Variants in LRRC47 observed in about 807,000 individuals in gnomAD.
The protein encoded by LRRC47 is leucine rich repeat containing 47.
A neutral mutation model predicts 40.9 loss-of-function variants in LRRC47; 31 were observed. The ratio of observed to expected loss-of-function variants is 0.76; its 90% CI spans 0.57 to 1.02. The LOEUF (loss-of-function observed/expected upper bound fraction) is 1.02, where lower values mean the gene tolerates loss of function less well. LRRC47 is among the 50% of genes least tolerant of loss of function. The probability of loss-of-function intolerance (pLI) is 0.00; values close to 1 mark genes in which losing one functional copy is unlikely to be tolerated. For missense variants in LRRC47, 726 were observed against 796.1 expected, an observed-to-expected ratio of 0.91 and a Z score of 1.06; for synonymous variants, 427 against 371.9, an observed-to-expected ratio of 1.15 and a Z score of -1.70.
In LRRC47 at chr1:3,795,543, C is replaced by A. The variant is rs1366160684; in HGVS notation, c.615+319G>T. Among the ~76,000 whole-genome samples the A allele has an allele frequency of 2.6e-5, 4 of 152,214 alleles. No individual in the cohort carries two copies. In the East Asian group the frequency reaches 7.7e-4, roughly 29 times the overall value. ...TAGATACAAAAAAGACAGGTCTCTACGCTCGATCTACAGGAGAAGCCAGGT... is the reference window on the plus strand; with the variant it reads ...TAGATACAAAAAAGACAGGTCTCTAAGCTCGATCTACAGGAGAAGCCAGGT... On this transcript the variant is annotated intron_variant, in intron 1 of 6. Transcript: ENST00000378251.
In LRRC47 at chr1:3,785,121, AG is replaced by A; in HGVS notation, c.1159del (p.Leu387CysfsTer72). 6.2e-7 allele frequency: 1 copy of A among 1,601,642 alleles called. No individual in the cohort carries two copies. The highest frequency in any genetic ancestry group is 1.1e-5 in the South Asian group (1 of 90,108). ...THELRAVKGP[L>X]LYCARPPQDL... ...CTGTGGGGGCCGGGCGCAGTACAGC[AG>A]GGGCCCTTTGACGGCACGGAGCTCG... is the stretch of plus-strand genomic sequence containing the variant. On this transcript the variant is annotated frameshift_variant, in exon 3 of 7. Transcript: ENST00000378251. LOFTEE classifies it high-confidence loss of function.
chr1:3,781,889 G>A (rs1188735249), intron 5 of LRRC47, among the ~76,000 whole-genome samples: 1 of 152,214 alleles, frequency 6.6e-6, no homozygotes, highest in Non-Finnish European at 1.5e-5. Context: ...GCTGACATGG[G>A]AGGATCGCTT....
chr1:3,796,322 A>G lies in LRRC47; in HGVS notation c.155T>C (p.Leu52Pro). ...LPPRLFTLPLLHYLEVSGCGS... is the reference protein window; with the variant it reads ...LPPRLFTLPLPHYLEVSGCGS... Reference sequence around the variant, plus strand: ...GCAGCCGCTCACTTCCAAGTAGTGCAGCAGCGGCAGGGTGAAAAGCCGCGG... The same window carrying G: ...GCAGCCGCTCACTTCCAAGTAGTGCGGCAGCGGCAGGGTGAAAAGCCGCGG... Residue 52 changes from leucine to proline, a missense_variant, in exon 1 of 7, where the codon CTG (leucine) becomes CCG (proline). Physicochemically the swap from Leu to Pro is moderately conservative, Grantham distance 98. Coordinates refer to ENST00000378251, the MANE Select transcript of LRRC47 (RefSeq NM_020710.3). The G allele has an allele frequency of 6.6e-7, 1 of 1,507,712 alleles. No homozygotes were observed. The highest frequency in any genetic ancestry group is 2.1e-5 in the Admixed American group (1 of 48,548). 93.4% of individuals were successfully genotyped at this position (1,507,712 alleles called of 1,614,324 possible).
At position 3,779,484 on chromosome 1, in the gene LRRC47, T is replaced by C. The variant is rs1429285539; in HGVS notation, c.*1604A>G. ...CCGTGTCCTCATGAGCCAAGCACAC[T>C]GACTCCCGGGAGTGGTGTGCACGCA... On this transcript the variant is annotated 3_prime_UTR_variant, in exon 7 of 7. Transcript: ENST00000378251. 6.6e-6 allele frequency: 1 copy of C among 152,204 alleles called. No individual in the cohort carries two copies. Among genetic ancestry groups the C allele is most frequent in the African/African-American group, 2.4e-5 (1 of 41,438 alleles). The allele number at this position is 152,204 out of a possible 1,614,324, so 9.4% of individuals were successfully genotyped here. A position where few individuals can be genotyped will look rare whatever the true frequency, so the allele number is the denominator to read the frequency against.
At chr1:3,794,724 A>T (rs1643657562) in intron 1 of LRRC47, among the ~76,000 whole-genome samples, 2 of 151,994 alleles carry the variant, frequency 1.3e-5, no homozygotes, top group Admixed American at 6.5e-5. Context: ...GCAAATAAAT[A>T]GATAAGCTGC....
At chr1:3,788,060 G>C (rs1220544060) in intron 1 of LRRC47, among the ~76,000 whole-genome samples, 2 of 152,278 alleles carry the variant, frequency 1.3e-5, no homozygotes, top group Non-Finnish European at 2.9e-5. Flanking sequence ...TGAAAGGATG[G>C]AAGGGGTACA....
At chr1:3,785,226 A>G (rs1210811136) in intron 2 of LRRC47, 23 bp from the exon 3 acceptor site, 3 of 1,493,066 alleles carry the variant, frequency 2.0e-6, no homozygotes, top group African/African-American at 2.9e-5. Flanking sequence ...AGCAGTGATG[A>G]GCAAGGTCTC....
intron 1 of LRRC47, among the ~76,000 whole-genome samples, chr1:3,789,030 TTGGAC>T (rs1173030945): frequency 6.6e-6 from 1 of 152,226 alleles, no homozygotes; most frequent in African/African-American, 2.4e-5. Context: ...GATAGACTTG[TTGGAC>T]TGGTGGCTCC....
In LRRC47 at chr1:3,778,588, C is replaced by T. The variant is rs576678344; in HGVS notation, c.*2500G>A. ...TGCGGAGCTGTTTTTATTAGTGAGT[C>T]GGGGGGTGGGGTGGGGTGAAGAAAA... is the stretch of plus-strand genomic sequence containing the variant. On this transcript the variant is annotated 3_prime_UTR_variant, in exon 7 of 7. Transcript: ENST00000378251. 3.9e-5 allele frequency: 6 copies of T among 153,198 alleles called. No individual in the cohort carries two copies. Among genetic ancestry groups the T allele is most frequent in the Non-Finnish European group, 7.3e-5 (5 of 68,164 alleles). The allele number at this position is 153,198 out of a possible 1,614,324, so 9.5% of individuals were successfully genotyped here.
intron 4 of LRRC47, among the ~76,000 whole-genome samples, chr1:3,783,470 T>C (rs1011749444): frequency 7.0e-6 from 1 of 142,642 alleles, no homozygotes; most frequent in African/African-American, 2.7e-5. Context: ...AAGGGTAAAA[T>C]GGACGACTCA....
Position 3,779,242 on chromosome 1 carries a change from A to C in LRRC47, c.*1846T>G, listed in dbSNP as rs1471277253. 2 of 152,392 alleles carry C rather than the reference A, an allele frequency of 1.3e-5. No homozygotes were observed. The highest frequency in any genetic ancestry group is 4.8e-5 in the African/African-American group (2 of 41,592). 9.4% of individuals were successfully genotyped at this position (152,392 alleles called of 1,614,324 possible). On this transcript the variant is annotated 3_prime_UTR_variant, in exon 7 of 7. Transcript: ENST00000378251. ...ACCCAGCTGTTAGTCTGCCCACTGC[A>C]CAGGGCCCCGGGCCTCTCAGGTTGA...
In LRRC47 at chr1:3,784,035, C is replaced by G. The variant is rs891131454; in HGVS notation, c.1271G>C (p.Arg424Thr). The change falls in exon 4 of 7, where the codon AGG (arginine) becomes ACG (threonine). Residue 424 changes from arginine to threonine, a missense_variant. By Grantham distance (71) the Arg-to-Thr change is moderately conservative. Coordinates refer to ENST00000378251, the MANE Select transcript of LRRC47 (RefSeq NM_020710.3). Reference protein sequence around the residue: ...RQLQLEAEEQRKQKKRQSVSG... With the variant: ...RQLQLEAEEQTKQKKRQSVSG... Reference sequence around the variant, plus strand: ...CACACTCTGCCGCTTCTTCTGCTTCCTCTGCTCCTCGGCCTCCAGCTGCAG... The same window carrying G: ...CACACTCTGCCGCTTCTTCTGCTTCGTCTGCTCCTCGGCCTCCAGCTGCAG... 1.2e-6 allele frequency: 2 copies of G among 1,612,290 alleles called. No homozygotes were observed. Among genetic ancestry groups the G allele is most frequent in the African/African-American group, 2.7e-5 (2 of 75,036 alleles).
At chr1:3,791,581 C>G (rs1005293111) in intron 1 of LRRC47, among the ~76,000 whole-genome samples, 1 of 152,178 alleles carries the variant, frequency 6.6e-6, no homozygotes, top group Admixed American at 6.5e-5. Context: ...CTCAGCTTCC[C>G]GAGTAGCTGG....
Position 3,796,024 on chromosome 1 carries a change from G to T in LRRC47, c.453C>A (p.Cys151Ter). The T allele has an allele frequency of 1.9e-6, 3 of 1,548,732 alleles. No homozygotes were observed. The highest frequency in any genetic ancestry group is 2.6e-6 in the Non-Finnish European group (3 of 1,148,952). The change falls in exon 1 of 7, where the codon TGC becomes TGA. Residue 151 changes from cysteine to a stop codon, truncating the protein, a stop_gained. Transcript: ENST00000378251. LOFTEE classifies it high-confidence loss of function. Reference sequence around the variant, plus strand: ...GGTTGAGGCTCTGCAGGCGCGGGGCGCAGCGCGCCAGGTCGGCTGGCAGCT... The same window carrying T: ...GGTTGAGGCTCTGCAGGCGCGGGGCTCAGCGCGCCAGGTCGGCTGGCAGCT... ...LRELPADLARCAPRLQSLNLT... is the reference protein window; with the variant it reads ...LRELPADLAR
rs139020638 is a variant in LRRC47, at chr1:3,790,274, C to T, written c.616-2964G>A. Among the ~76,000 whole-genome samples, 1,284 of 152,324 alleles carry T rather than the reference C, an allele frequency of 8.4e-3. 10 individuals are homozygous for T. Among genetic ancestry groups the T allele is most frequent in the Non-Finnish European group, 0.014 (926 of 68,016 alleles). On this transcript the variant is annotated intron_variant, in intron 1 of 6. Coordinates refer to ENST00000378251, the MANE Select transcript of LRRC47 (RefSeq NM_020710.3). ...GCCCCTGAGTGAGCCCCACTCCCTC[C>T]GGCAGCAACTGAGAAACTCGGAAGC...
intron 4 of LRRC47, chr1:3,783,775 C>T (rs941535632): frequency 3.7e-5 from 21 of 564,366 alleles, no homozygotes; most frequent in Non-Finnish European, 5.4e-5. Flanking sequence ...AATACCTCCG[C>T]TCCTAACACC....
intron 1 of LRRC47, among the ~76,000 whole-genome samples, chr1:3,788,384 G>C (rs1245208905): frequency 6.6e-6 from 1 of 152,206 alleles, no homozygotes; most frequent in African/African-American, 2.4e-5. Context: ...TGCCCCCAGA[G>C]AGGAGGCAAC....
chr1:3,782,458 C>G (rs1166174291), intron 5 of LRRC47, among the ~76,000 whole-genome samples: 2 of 152,126 alleles, frequency 1.3e-5, no homozygotes, highest in African/African-American at 4.8e-5. Flanking sequence ...CCACGCCCGG[C>G]GAATTTTGTA....
chr1:3,787,945 C>T (rs1377609687), intron 1 of LRRC47, among the ~76,000 whole-genome samples: 2 of 152,210 alleles, frequency 1.3e-5, no homozygotes, highest in Non-Finnish European at 2.9e-5. Flanking sequence ...ATCGGGCCCA[C>T]CACCGTGTGC....
Sources: gnomAD v4.1 joint callset for allele counts (sites outside exome capture counted in the v4.1 genomes callset) on GRCh38, gnomAD v4.1.1 for gene constraint, MANE v1.5 for transcripts, NCBI Gene and HGNC (gene_info 2026-07-23, HGNC 2026-07-21) for gene names.